The following HNF4A variants were observed in gnomAD, a reference collection of about 807,000 sequenced individuals.
The protein encoded by HNF4A is hepatocyte nuclear factor 4-alpha.
HNF4A carries 15 observed loss-of-function variants against 52.4 expected under a neutral mutation model. That is an observed-to-expected ratio of 0.29 (90% CI 0.19 to 0.44). The LOEUF (loss-of-function observed/expected upper bound fraction) is 0.44. HNF4A is among the 20% of genes least tolerant of loss of function. The probability of loss-of-function intolerance (pLI) is 1.00; values close to 1 mark genes in which losing one functional copy is unlikely to be tolerated. For synonymous variants in HNF4A, 280 were observed against 264.4 expected, an observed-to-expected ratio of 1.06 and a Z score of -0.57; for missense variants, 479 against 647.2, an observed-to-expected ratio of 0.74 and a Z score of 2.82.
chr20:44,384,102 C>T (rs1362886689), intron 1 of HNF4A, among the ~76,000 whole-genome samples: 1 of 151,154 alleles, frequency 6.6e-6, no homozygotes, highest in Admixed American at 6.6e-5. Flanking sequence ...CTTCCCACCT[C>T]GGCCTCCCAA....
At chr20:44,384,494 T>C (rs1157516251) in intron 1 of HNF4A, 1 of 152,160 alleles carries the variant, frequency 6.6e-6, no homozygotes, top group Non-Finnish European at 1.5e-5. Flanking sequence ...TAAGTCTCAA[T>C]GGTTTGAACA....
At chr20:44,378,308 G>A (rs1359168548) in intron 1 of HNF4A, among the ~76,000 whole-genome samples, 6 of 145,678 alleles carry the variant, frequency 4.1e-5, no homozygotes, top group Admixed American at 7.1e-5. Context: ...TTACTCTGTC[G>A]CCCGGCTGGA....
At chr20:44,393,789 GA>G (rs566030874) in intron 1 of HNF4A, among the ~76,000 whole-genome samples, 19 of 152,324 alleles carry the variant, frequency 1.2e-4, no homozygotes, top group Middle Eastern at 3.4e-3. Flanking sequence ...ATTTACAGGT[GA>G]AGAAACTGAG....
At chr20:44,362,628 A>G (rs750388810) in intron 1 of HNF4A, among the ~76,000 whole-genome samples, 58 of 152,242 alleles carry the variant, frequency 3.8e-4, no homozygotes, top group Non-Finnish European at 5.6e-4. Flanking sequence ...TAACCCATCC[A>G]AGTAGGAAAT....
chr20:44,429,721 C>A lies in HNF4A; in HGVS notation c.*56C>A, dbSNP rs1302197279. ...CTCCCCCCAGCCCCCTAAGAGAGCA[C>A]CTGGTGATCACGTGGTCACGGCAAA... is the stretch of plus-strand genomic sequence containing the variant. On this transcript the variant is annotated 3_prime_UTR_variant, in exon 10 of 10. Coordinates refer to ENST00000316099, the MANE Select transcript of HNF4A (RefSeq NM_000457.6). 1.3e-5 allele frequency: 21 copies of A among 1,564,220 alleles called. No individual in the cohort carries two copies. The South Asian group carries it at 2.2e-4, about 17-fold the overall frequency.
chr20:44,416,428 A>G (rs895307999), intron 5 of HNF4A, among the ~76,000 whole-genome samples: 1 of 152,264 alleles, frequency 6.6e-6, no homozygotes, highest in Non-Finnish European at 1.5e-5. Flanking sequence ...TTAGCGACAG[A>G]ACTGGGATTC....
At chr20:44,406,587 GT>G (rs1480005959) in intron 2 of HNF4A, among the ~76,000 whole-genome samples, 3 of 152,168 alleles carry the variant, frequency 2.0e-5, no homozygotes, top group Non-Finnish European at 4.4e-5. Flanking sequence ...GTCTGGTGCT[GT>G]TTTTGGGACA....
chr20:44,388,879 C>T (rs2063267672), intron 1 of HNF4A, among the ~76,000 whole-genome samples: 1 of 152,220 alleles, frequency 6.6e-6, no homozygotes, highest in Non-Finnish European at 1.5e-5. Context: ...CGCTTCTCTG[C>T]ACAGTTCCTT....
chr20:44,404,643 G>A (rs2063458399), intron 1 of HNF4A, among the ~76,000 whole-genome samples: 1 of 151,152 alleles, frequency 6.6e-6, no homozygotes, highest in Non-Finnish European at 1.5e-5. Flanking sequence ...GCAAGTGTGT[G>A]CAATGTATGT....
chr20:44,427,976 G>C (rs1403405615), intron 8 of HNF4A, among the ~76,000 whole-genome samples: 1 of 152,150 alleles, frequency 6.6e-6, no homozygotes, highest in Non-Finnish European at 1.5e-5. Context: ...GGGACCAAAT[G>C]GTTGAAGGAC....
Position 44,414,791 on chromosome 20 carries a change from A to T in HNF4A, c.648+129A>T. ...TTATTTAACAAAATATGTAGTGCAC[A>T]CACGTGTCTGAAACTTTAAATCACC... On this transcript the variant is annotated intron_variant, in intron 5 of 9. Coordinates refer to ENST00000316099, the MANE Select transcript of HNF4A (RefSeq NM_000457.6). 4 of 855,866 alleles carry T rather than the reference A, an allele frequency of 4.7e-6. No homozygotes were observed. In the Admixed American group the frequency reaches 9.4e-5, roughly 20 times the overall value. The allele number at this position is 855,866 out of a possible 1,614,324, so 53.0% of individuals were successfully genotyped here. A position where few individuals can be genotyped will look rare whatever the true frequency, so the allele number is the denominator to read the frequency against.
chr20:44,381,803 G>A (rs1478319278), intron 1 of HNF4A, among the ~76,000 whole-genome samples: 1 of 152,024 alleles, frequency 6.6e-6, no homozygotes, highest in Non-Finnish European at 1.5e-5. Context: ...TAGAGACAGG[G>A]TTTCACCATG....
At chr20:44,387,288 TAAAAAAAAA>T (rs537843651) in intron 1 of HNF4A, among the ~76,000 whole-genome samples, 915 of 82,010 alleles carry the variant, frequency 0.011, 11 homozygotes, top group South Asian at 0.037. Context: ...AACTTCATCT[TAAAAAAAAA>T]AAAAAAAAAA....
chr20:44,405,555 T>C (rs1197652367), intron 1 of HNF4A, among the ~76,000 whole-genome samples: 2 of 152,030 alleles, frequency 1.3e-5, no homozygotes, highest in African/African-American at 4.8e-5. Flanking sequence ...CAGACCCTCC[T>C]AGGAGGCCAC....
intron 1 of HNF4A, among the ~76,000 whole-genome samples, chr20:44,376,684 A>G (rs1230252928): frequency 6.6e-6 from 1 of 152,124 alleles, no homozygotes; most frequent in African/African-American, 2.4e-5. Context: ...TTTGGTATTT[A>G]TCATGTGTAT....
At chr20:44,402,507 A>C in intron 1 of HNF4A, 3 of 1,282,294 alleles carry the variant, frequency 2.3e-6, no homozygotes, top group Non-Finnish European at 3.1e-6. Context: ...GTTGCCACTC[A>C]CCAAGTGAGA....
At chr20:44,374,963 T>C (rs997613564) in intron 1 of HNF4A, among the ~76,000 whole-genome samples, 3 of 152,220 alleles carry the variant, frequency 2.0e-5, no homozygotes, top group African/African-American at 7.2e-5. Flanking sequence ...ACCAACAGTG[T>C]ATAAGTGTTC....
At chr20:44,424,385 C>T (rs2063790564) in intron 8 of HNF4A, 131 bp downstream of exon 8, 2 of 1,467,544 alleles carry the variant, frequency 1.4e-6, no homozygotes, top group African/African-American at 1.4e-5. Context: ...CTTAACCTGT[C>T]TGTGCCTCAG....
At chr20:44,402,121 G>A (rs1175330610) in intron 1 of HNF4A, among the ~76,000 whole-genome samples, 1 of 151,900 alleles carries the variant, frequency 6.6e-6, no homozygotes, top group Non-Finnish European at 1.5e-5. Flanking sequence ...GAACCCATTT[G>A]CATATGTGTG....
Sources: gnomAD v4.1 joint callset for allele counts (sites outside exome capture counted in the v4.1 genomes callset) on GRCh38, gnomAD v4.1.1 for gene constraint, MANE v1.5 for transcripts, NCBI Gene and HGNC (gene_info 2026-07-23, HGNC 2026-07-21) for gene names.